The following TEX9 variants were observed in gnomAD, a reference collection of about 807,000 sequenced individuals.
TEX9 encodes testis expressed 9.
Under a neutral mutation model 59.6 loss-of-function variants are expected in TEX9, and 74 were observed. That is an observed-to-expected ratio of 1.24 (90% CI 1.03 to 1.51). The LOEUF (loss-of-function observed/expected upper bound fraction) is 1.51. Among genes scored for constraint, TEX9 ranks in the 40% most tolerant of loss-of-function variants. The pLI is 0.00. For missense variants in TEX9, 522 were observed against 447.8 expected (o/e 1.17, Z -1.49); for synonymous variants, 186 against 152.2 (o/e 1.22, Z -1.64).
At chr15:56,363,815 C>T (rs2046838120), upstream of TEX9, among the ~76,000 whole-genome samples, 1 of 151,438 alleles carries the variant, frequency 6.6e-6, no homozygotes, top group Non-Finnish European at 1.5e-5. Context: ...CAGGCATGTA[C>T]CACTGGACCC....
At chr15:56,410,194 C>G (rs146694076) in intron 9 of TEX9, 7 of 152,312 alleles carry the variant, frequency 4.6e-5, no homozygotes, top group African/African-American at 1.4e-4. Flanking sequence ...CCATTCTTTT[C>G]TACCTTAGCC....
intron 1 of TEX9, among the ~76,000 whole-genome samples, chr15:56,319,776 A>G (rs1327254158): frequency 1.3e-5 from 2 of 152,144 alleles, no homozygotes; most frequent in African/African-American, 4.8e-5. Context: ...AGCCAGTGTT[A>G]TGGCCAAGAA....
chr15:56,426,589 G>GTATATATATA (rs71110391), intron 10 of TEX9, among the ~76,000 whole-genome samples: 296 of 24,220 alleles, frequency 0.012, 12 homozygotes, highest in Non-Finnish European at 0.035. Flanking sequence ...TTGAAAAGGT[G>GTATATATATA]TATATATATA....
intron 1 of TEX9, among the ~76,000 whole-genome samples, chr15:56,269,614 C>T (rs2044474342): frequency 6.6e-6 from 1 of 151,188 alleles, no homozygotes; most frequent in African/African-American, 2.4e-5. Context: ...GTTCAGTTTC[C>T]ATGGAGTTGT....
chr15:56,402,696 A>G (rs1384462327), intron 9 of TEX9, among the ~76,000 whole-genome samples: 3 of 152,038 alleles, frequency 2.0e-5, no homozygotes, highest in African/African-American at 7.2e-5. Context: ...AGAATTTTAG[A>G]CCAATATCCC....
At chr15:56,380,615 G>A (rs1271926187) in intron 3 of TEX9, among the ~76,000 whole-genome samples, 1 of 152,118 alleles carries the variant, frequency 6.6e-6, no homozygotes, top group Non-Finnish European at 1.5e-5. Context: ...TTGATGGAAT[G>A]CCTCAACTTT....
At chr15:56,349,885 A>G (rs1438680136) in intron 1 of TEX9, among the ~76,000 whole-genome samples, 1 of 152,050 alleles carries the variant, frequency 6.6e-6, no homozygotes, top group Non-Finnish European at 1.5e-5. Context: ...CCATACCAGA[A>G]GTTGAACCTC....
intron 1 of TEX9, among the ~76,000 whole-genome samples, chr15:56,258,768 T>C (rs1418335677): frequency 2.0e-5 from 3 of 151,860 alleles, no homozygotes; most frequent in Non-Finnish European, 4.4e-5. Flanking sequence ...TTCATATTGA[T>C]AGTCTCTTTT....
chr15:56,440,426 C>T (rs2050798288), intron 12 of TEX9, among the ~76,000 whole-genome samples: 1 of 152,186 alleles, frequency 6.6e-6, no homozygotes. Flanking sequence ...ACACAGCTAA[C>T]ATGCAGTTAC....
intron 1 of TEX9, among the ~76,000 whole-genome samples, chr15:56,279,226 T>C (rs2044756516): frequency 6.6e-6 from 1 of 152,220 alleles, no homozygotes; most frequent in African/African-American, 2.4e-5. Context: ...TTTTAAAGTA[T>C]TTGAAACCAC....
intron 1 of TEX9, among the ~76,000 whole-genome samples, chr15:56,260,271 T>C (rs1353227125): frequency 6.6e-6 from 1 of 152,142 alleles, no homozygotes; most frequent in African/African-American, 2.4e-5. Flanking sequence ...CAATGATTAA[T>C]GCAAGTAATG....
intron 1 of TEX9, among the ~76,000 whole-genome samples, chr15:56,244,928 G>A (rs1482256915): frequency 1.3e-5 from 2 of 152,156 alleles, no homozygotes; most frequent in African/African-American, 2.4e-5. Context: ...GGGAGGCTGC[G>A]TGGATGTAGA....
At chr15:56,300,219 CA>C (rs2045311270) in intron 1 of TEX9, among the ~76,000 whole-genome samples, 1 of 151,914 alleles carries the variant, frequency 6.6e-6, no homozygotes, top group South Asian at 2.1e-4. Flanking sequence ...TCGCAGTAGC[CA>C]GGCAGTACTT....
intron 7 of TEX9, among the ~76,000 whole-genome samples, chr15:56,393,432 C>T (rs1203635463): frequency 6.6e-6 from 1 of 152,118 alleles, no homozygotes; most frequent in Non-Finnish European, 1.5e-5. Flanking sequence ...GAGATTTGTC[C>T]TAATGACTTC....
rs566621475 is a variant in TEX9 at position 56,302,291 on chromosome 15, C to T, written c.-107+58013C>T. 9.3e-5 allele frequency among the ~76,000 whole-genome samples: 14 copies of T among 150,738 alleles called. No individual in the cohort carries two copies. In the East Asian group the frequency reaches 2.8e-3, roughly 30 times the overall value. ...TTGCTTGAGCCCAGGAGTTCAAGAC[C>T]AGCCTGGGCAACAGAGCAAGACACT... is the stretch of plus-strand genomic sequence containing the variant. On this transcript the variant is annotated intron_variant, in intron 1 of 5. Transcript: ENST00000560827.
At chr15:56,257,058 G>A (rs763686621) in intron 1 of TEX9, among the ~76,000 whole-genome samples, 63 of 152,054 alleles carry the variant, frequency 4.1e-4, no homozygotes, top group African/African-American at 1.2e-3. Context: ...CTGTTCCTGC[G>A]TTAGTTTGCT....
intron 9 of TEX9, chr15:56,408,381 G>A (rs1202944162): frequency 6.6e-6 from 1 of 152,122 alleles, no homozygotes; most frequent in East Asian, 1.9e-4. Flanking sequence ...TTGGCTTCTG[G>A]AGCACCACAA....
At chr15:56,386,330 T>C (rs529283012) in intron 4 of TEX9, among the ~76,000 whole-genome samples, 158 of 151,844 alleles carry the variant, frequency 1.0e-3, no homozygotes, top group South Asian at 2.5e-3. Flanking sequence ...GTGGAAATAC[T>C]CTCTGTCTTG....
At chr15:56,244,080 G>A (rs1375688694) in exon 1 of TEX9, 1 of 151,750 alleles carries the variant, frequency 6.6e-6, no homozygotes, top group Non-Finnish European at 1.5e-5. Context: ...AAACGTGGGG[G>A]AGGTGCTGGC....
Sources: allele counts gnomAD v4.1 joint callset (sites outside exome capture counted in the v4.1 genomes callset), GRCh38; gene constraint gnomAD v4.1.1; transcripts MANE v1.5; gene names NCBI Gene and HGNC (gene_info 2026-07-23, HGNC 2026-07-21).